Variants in RYR3 observed in about 807,000 individuals in gnomAD.
The protein encoded by RYR3 is ryanodine receptor 3.
RYR3 carries 207 observed loss-of-function variants against 584.3 expected under a neutral mutation model. The observed-to-expected ratio is 0.35, with a 90% CI of 0.32 to 0.40. The LOEUF (loss-of-function observed/expected upper bound fraction) is 0.40. Ranked by LOEUF, RYR3 falls within the 10% of genes least tolerant of loss-of-function variation. The probability of loss-of-function intolerance (pLI) is 1.00; values close to 1 mark genes in which losing one functional copy is unlikely to be tolerated. For synonymous variants in RYR3, 2,416 were observed against 2,248.5 expected, an observed-to-expected ratio of 1.07 and a Z score of -2.11; for missense variants, 5,616 against 6,089.2, an observed-to-expected ratio of 0.92 and a Z score of 2.59.
chr15:33,330,268 CCTT>C (rs1970221781), intron 1 of RYR3, among the ~76,000 whole-genome samples: 2 of 152,162 alleles, frequency 1.3e-5, no homozygotes, highest in Non-Finnish European at 2.9e-5. Flanking sequence ...CACCTGTATT[CCTT>C]CTTCATGTCT....
chr15:33,817,141 T>C (rs1398514568), intron 75 of RYR3, among the ~76,000 whole-genome samples, 183 bp downstream of exon 75: 1 of 152,232 alleles, frequency 6.6e-6, no homozygotes, highest in Non-Finnish European at 1.5e-5. Flanking sequence ...GGATGAATTT[T>C]CACTTGGAGT....
chr15:33,802,300 G>A lies in RYR3; in HGVS notation c.10011+339G>A, dbSNP rs140094218. The stretch of plus-strand genomic sequence containing the variant: ...GTAGTGAGGATACAGCAATACACAT[G>A]CCTAGAACCACCTTTTGATAGCTAG... On this transcript the variant is annotated intron_variant, in intron 69 of 103. Transcript: ENST00000634891. Among the ~76,000 whole-genome samples the A allele has an allele frequency of 2.7e-3, 413 of 152,318 alleles. 3 individuals carry two copies. Among genetic ancestry groups the A allele is most frequent in the Admixed American group, 7.3e-3 (112 of 15,296 alleles).
At chr15:33,448,446 C>G (rs925869100) in intron 1 of RYR3, among the ~76,000 whole-genome samples, 3 of 152,208 alleles carry the variant, frequency 2.0e-5, no homozygotes, top group Non-Finnish European at 4.4e-5. Flanking sequence ...TTATAAAACA[C>G]CCCCATCAGG....
intron 1 of RYR3, among the ~76,000 whole-genome samples, chr15:33,335,723 A>T (rs1250025877): frequency 3.9e-5 from 5 of 128,644 alleles, no homozygotes; most frequent in African/African-American, 1.4e-4. Flanking sequence ...AAGAATAATT[A>T]AAAAAAAAAA....
At chr15:33,825,352 TGA>T (rs2077321315) in intron 81 of RYR3, among the ~76,000 whole-genome samples, 1 of 152,086 alleles carries the variant, frequency 6.6e-6, no homozygotes, top group Admixed American at 6.6e-5. Context: ...GGACAGACAA[TGA>T]GAGTCACCGT....
At chr15:33,401,515 T>C (rs1340669045) in intron 1 of RYR3, among the ~76,000 whole-genome samples, 1 of 152,222 alleles carries the variant, frequency 6.6e-6, no homozygotes, top group Non-Finnish European at 1.5e-5. Flanking sequence ...GCCATTAAGA[T>C]GTTGCTGTAG....
At chr15:33,325,229 A>T (rs1278541098) in intron 1 of RYR3, among the ~76,000 whole-genome samples, 1 of 152,206 alleles carries the variant, frequency 6.6e-6, no homozygotes, top group African/African-American at 2.4e-5. Context: ...TCTGTACCAG[A>T]TACAAACCAG....
chr15:33,350,843 T>G lies in RYR3; in HGVS notation c.51+39747T>G, dbSNP rs1442653956. On this transcript the variant is annotated intron_variant, in intron 1 of 103. Coordinates refer to ENST00000634891, the MANE Select transcript of RYR3 (RefSeq NM_001036.6). ...AAAATTGACACCCTAACATCACAAT[T>G]AAAAGAACTAGAAAAGCAAGAGCAA... is the stretch of plus-strand genomic sequence containing the variant. Among the ~76,000 whole-genome samples the G allele has an allele frequency of 2.6e-5, 4 of 151,420 alleles. No homozygotes were observed. In the East Asian group the frequency reaches 7.8e-4, roughly 29 times the overall value.
chr15:33,467,190 A>T (rs1379089006), intron 1 of RYR3, among the ~76,000 whole-genome samples: 1 of 152,184 alleles, frequency 6.6e-6, no homozygotes, highest in Admixed American at 6.5e-5. Context: ...ATCATTATGG[A>T]TTTTCCTCTG....
chr15:33,524,960 C>T (rs1401671419), intron 3 of RYR3, among the ~76,000 whole-genome samples: 1 of 152,106 alleles, frequency 6.6e-6, no homozygotes, highest in Non-Finnish European at 1.5e-5. Context: ...AATTTTGGTA[C>T]AATCGTATCT....
chr15:33,332,828 TATTCTTA>T, intron 1 of RYR3, among the ~76,000 whole-genome samples: 1 of 152,042 alleles, frequency 6.6e-6, no homozygotes, highest in Non-Finnish European at 1.5e-5. Flanking sequence ...AAAAAATCTG[TATTCTTA>T]AAGCAGGGTG....
At chr15:33,741,873 C>T (rs1299571441) in intron 51 of RYR3, among the ~76,000 whole-genome samples, 1 of 152,156 alleles carries the variant, frequency 6.6e-6, no homozygotes, top group East Asian at 1.9e-4. Flanking sequence ...CTCGGCCTCC[C>T]AAAGTGCTGG....
At chr15:33,850,833 T>G (rs2152994872) in intron 94 of RYR3, 1 of 152,258 alleles carries the variant, frequency 6.6e-6, no homozygotes, top group Middle Eastern at 3.4e-3. Context: ...GCTATCTACA[T>G]TTTTGATGTT....
At position 33,811,645 on chromosome 15, in the gene RYR3, C is replaced by T. The variant is rs144490174; in HGVS notation, c.10257+608C>T. Among the ~76,000 whole-genome samples, 594 of 84,138 alleles carry T rather than the reference C, an allele frequency of 7.1e-3. 4 individuals are homozygous for T. The highest frequency in any genetic ancestry group is 0.023 in the African/African-American group (533 of 23,614). The allele number at this position is 84,138 out of a possible 152,430, so 55.2% of individuals were successfully genotyped here. On this transcript the variant is annotated intron_variant, in intron 72 of 103. Transcript: ENST00000634891. ...ATTACAAAGAGGATACCCAATAAAG[C>T]ATCTATTCCCATTTCCCATTATGTG...
In RYR3 at chr15:33,473,411, C is replaced by T. The variant is rs780025845; in HGVS notation, c.52-8C>T. 89 of 1,601,816 alleles carry T rather than the reference C, an allele frequency of 5.6e-5. No individual in the cohort carries two copies. The highest frequency in any genetic ancestry group is 7.0e-5 in the Non-Finnish European group (82 of 1,179,286). ...TTACTCATGTTTGGGTCTCTCTTCT[C>T]CTGGCAGGAGGATGAAGTGGTACTC... On this transcript the variant is annotated splice_region_variant and splice_polypyrimidine_tract_variant and intron_variant, in intron 1 of 103. Transcript: ENST00000634891.
chr15:33,738,633 C>T, intron 50 of RYR3, 43 bp downstream of exon 50: 2 of 1,606,390 alleles, frequency 1.2e-6, no homozygotes, highest in Non-Finnish European at 8.5e-7. Context: ...CATCTCAGTG[C>T]TCCAGCATCT....
At chr15:33,566,456 T>G (rs2057721035) in intron 11 of RYR3, among the ~76,000 whole-genome samples, 1 of 152,204 alleles carries the variant, frequency 6.6e-6, no homozygotes, top group South Asian at 2.1e-4. Context: ...GCACATAAAG[T>G]TTCATTTTCA....
chr15:33,646,909 A>G (rs1385047633), intron 29 of RYR3, among the ~76,000 whole-genome samples: 1 of 152,158 alleles, frequency 6.6e-6, no homozygotes, highest in African/African-American at 2.4e-5. Flanking sequence ...TTCTTTGCAT[A>G]GCTATGGGCA....
intron 8 of RYR3, among the ~76,000 whole-genome samples, chr15:33,546,428 C>T (rs2056242321): frequency 6.6e-6 from 1 of 152,112 alleles, no homozygotes; most frequent in Non-Finnish European, 1.5e-5. Context: ...TCTAAAGCAA[C>T]GTCAGATTTT....
Sources: allele counts gnomAD v4.1 joint callset (sites outside exome capture counted in the v4.1 genomes callset), GRCh38; gene constraint gnomAD v4.1.1; transcripts MANE v1.5; gene names NCBI Gene and HGNC (gene_info 2026-07-23, HGNC 2026-07-21).